Variants in KPNA6 observed in about 807,000 individuals in gnomAD.
KPNA6 encodes karyopherin subunit alpha 6, also known as importin subunit alpha-7.
In KPNA6, 9 loss-of-function variants were observed where a neutral mutation model predicts 72.0. The observed-to-expected ratio is 0.13, with a 90% CI of 0.08 to 0.22. KPNA6 has a LOEUF of 0.22. KPNA6 is among the 10% of genes least tolerant of loss of function. The pLI is 1.00. For missense variants in KPNA6, 374 were observed against 655.7 expected (o/e 0.57, Z 4.69); for synonymous variants, 219 against 242.1 (o/e 0.90, Z 0.89).
intron 1 of KPNA6, among the ~76,000 whole-genome samples, chr1:32,121,542 A>G (rs1226338166): frequency 6.6e-6 from 1 of 152,216 alleles, no homozygotes; most frequent in African/African-American, 2.4e-5. Flanking sequence ...CTATGGAGTG[A>G]TTCATCAACA....
chr1:32,151,728 C>T (rs918630480), intron 1 of KPNA6, among the ~76,000 whole-genome samples: 3 of 152,110 alleles, frequency 2.0e-5, no homozygotes, highest in Admixed American at 6.6e-5. Flanking sequence ...TGCTGTTGCC[C>T]GATGTCTGAA....
chr1:32,151,634 A>G (rs1456673717), intron 1 of KPNA6, among the ~76,000 whole-genome samples: 1 of 152,176 alleles, frequency 6.6e-6, no homozygotes, highest in Non-Finnish European at 1.5e-5. Context: ...CTTCTGCTAT[A>G]GAATGTGCCT....
At position 32,162,393 on chromosome 1, in the gene KPNA6, A is replaced by C. The variant is rs1642255395; in HGVS notation, c.780A>C (p.Leu260=). 1 of 1,611,224 alleles carries C rather than the reference A, an allele frequency of 6.2e-7. No individual in the cohort carries two copies. The highest frequency in any genetic ancestry group is 1.7e-5 in the Admixed American group (1 of 59,654). The change falls in exon 9 of 14, where the codon CTA becomes CTC. Residue 260 remains leucine, a synonymous_variant. Coordinates refer to ENST00000373625, the MANE Select transcript of KPNA6 (RefSeq NM_012316.5). ...VSPCLPVLSR[L]LFSSDSDLLA... ...CTTGTTTGCCTGTACTGTCTCGCCT[A>C]CTCTTCAGCAGCGACTCGGACTTGC...
rs543903488 is a variant in KPNA6, at chr1:32,147,672, T to C, written c.5-6916T>C. 1.1e-4 allele frequency among the ~76,000 whole-genome samples: 16 copies of C among 142,700 alleles called. No homozygotes were observed. In the East Asian group the frequency reaches 3.2e-3, roughly 28 times the overall value. The allele number at this position is 142,700 out of a possible 152,430, so 93.6% of individuals were successfully genotyped here. A position where few individuals can be genotyped will look rare whatever the true frequency, so the allele number is the denominator to read the frequency against. ...TTTCTTTTTTTTTTTTTTTTTTTTT[T>C]TTTTTGAGACAGGGTCTTGCCCTGT... On this transcript the variant is annotated intron_variant, in intron 1 of 13. Transcript: ENST00000373625.
intron 1 of KPNA6, among the ~76,000 whole-genome samples, chr1:32,116,995 C>A (rs1194754156): frequency 6.6e-6 from 1 of 152,004 alleles, no homozygotes; most frequent in Non-Finnish European, 1.5e-5. Context: ...AAAACAGTTG[C>A]AATACTAGCA....
chr1:32,159,771 T>C lies in KPNA6; in HGVS notation c.558+240T>C, dbSNP rs1459364207. Among the ~76,000 whole-genome samples the C allele has an allele frequency of 2.0e-5, 3 of 152,154 alleles. No homozygotes were observed. In the East Asian group the frequency reaches 5.8e-4, roughly 29 times the overall value. Reference sequence around the variant, plus strand: ...GTGTTAGAGTCAGAATTGAATTAAATCGTTGGACACATGGTTGGTATCAGA... The same window carrying C: ...GTGTTAGAGTCAGAATTGAATTAAACCGTTGGACACATGGTTGGTATCAGA... On this transcript the variant is annotated intron_variant, in intron 6 of 13. Coordinates refer to ENST00000373625, the MANE Select transcript of KPNA6 (RefSeq NM_012316.5).
intron 1 of KPNA6, among the ~76,000 whole-genome samples, chr1:32,153,588 A>AAAG (rs148412161): frequency 6.7e-6 from 1 of 148,288 alleles, no homozygotes. Context: ...AAAAAAAAAA[A>AAAG]AAGAAGAAAA....
chr1:32,166,375 C>G (rs989470975), intron 11 of KPNA6, 145 bp downstream of exon 11: 3 of 963,506 alleles, frequency 3.1e-6, no homozygotes, highest in Non-Finnish European at 3.0e-6. Flanking sequence ...GCCTGTAGTC[C>G]CAGCACTTTG....
Position 32,120,971 on chromosome 1 carries a change from C to T in KPNA6, c.4+12837C>T, listed in dbSNP as rs189748494. 2.0e-4 allele frequency among the ~76,000 whole-genome samples: 30 copies of T among 150,488 alleles called. No homozygotes were observed. The South Asian group carries it at 3.2e-3, about 16-fold the overall frequency. On this transcript the variant is annotated intron_variant, in intron 1 of 13. Coordinates refer to ENST00000373625, the MANE Select transcript of KPNA6 (RefSeq NM_012316.5). ...GCAACCTTTATCTCCTGAGTTCAAG[C>T]GTTCAAGCGACTCTCCTGCCTCAGC...
chr1:32,121,283 G>C (rs989897548), intron 1 of KPNA6, among the ~76,000 whole-genome samples: 4 of 152,110 alleles, frequency 2.6e-5, no homozygotes, highest in African/African-American at 9.7e-5. Context: ...ATCAGGACTT[G>C]GTTATTGATT....
intron 1 of KPNA6, among the ~76,000 whole-genome samples, chr1:32,108,462 G>C (rs1239499951): frequency 6.6e-6 from 1 of 152,244 alleles, no homozygotes; most frequent in Non-Finnish European, 1.5e-5. Flanking sequence ...GCTGGGGGAC[G>C]GGCTCCCGGC....
intron 6 of KPNA6, among the ~76,000 whole-genome samples, chr1:32,159,964 G>A (rs1642207515): frequency 6.6e-6 from 1 of 152,184 alleles, no homozygotes; most frequent in Non-Finnish European, 1.5e-5. Flanking sequence ...TTGGAGAGTG[G>A]TAGTGGGCTC....
intron 8 of KPNA6, 34 bp from the exon 9 acceptor site, chr1:32,162,327 C>A (rs768719617): frequency 8.4e-6 from 13 of 1,545,652 alleles, no homozygotes; most frequent in Non-Finnish European, 2.6e-6. Context: ...TAGTCTTGTT[C>A]CCCTGTGAGT....
chr1:32,147,959 C>G lies in KPNA6; in HGVS notation c.5-6629C>G, dbSNP rs7511834. Among the ~76,000 whole-genome samples, 1,445 of 152,248 alleles carry G rather than the reference C, an allele frequency of 9.5e-3. 19 individuals are homozygous for G. Among genetic ancestry groups the G allele is most frequent in the African/African-American group, 0.032 (1,330 of 41,550 alleles). ...AGGATTACAGGCCTGAGCCACTGCTCCCAGCCTGACTTTCATAATTTCGAA... is the reference window on the plus strand; with the variant it reads ...AGGATTACAGGCCTGAGCCACTGCTGCCAGCCTGACTTTCATAATTTCGAA... On this transcript the variant is annotated intron_variant, in intron 1 of 13. Coordinates refer to ENST00000373625, the MANE Select transcript of KPNA6 (RefSeq NM_012316.5).
intron 6 of KPNA6, 115 bp downstream of exon 6, chr1:32,159,646 A>C: frequency 8.3e-7 from 1 of 1,207,894 alleles, no homozygotes; most frequent in Non-Finnish European, 1.2e-6. Flanking sequence ...TTCCTGAGTG[A>C]TAGGGGTGTC....
chr1:32,156,043 C>T (rs1642137056), intron 2 of KPNA6, among the ~76,000 whole-genome samples: 1 of 151,476 alleles, frequency 6.6e-6, no homozygotes, highest in Non-Finnish European at 1.5e-5. Context: ...AGGCATGCGC[C>T]ACTGTGCCTG....
At chr1:32,119,196 A>T (rs954103424) in intron 1 of KPNA6, among the ~76,000 whole-genome samples, 3 of 150,970 alleles carry the variant, frequency 2.0e-5, no homozygotes, top group Non-Finnish European at 3.0e-5. Context: ...ACGCCTGGCT[A>T]ATTTTTGTAT....
rs997797158 is a variant in KPNA6, at chr1:32,175,553, GGC to G, written c.*4661_*4662del. The G allele has an allele frequency of 1.3e-4, 20 of 152,312 alleles. No individual in the cohort carries two copies. Among genetic ancestry groups the G allele is most frequent in the Middle Eastern group, 3.4e-3 (1 of 298 alleles). The allele number at this position is 152,312 out of a possible 1,614,324, so 9.4% of individuals were successfully genotyped here. A position where few individuals can be genotyped will look rare whatever the true frequency, so the allele number is the denominator to read the frequency against. On this transcript the variant is annotated 3_prime_UTR_variant, in exon 14 of 14. Transcript: ENST00000373625. ...TAATCCCAGCACTTTGGGAGGCCGA[GGC>G]GGGTGGATCACGAGGTCAGGAGTTT...
At chr1:32,135,270 T>G (rs1326285217) in intron 1 of KPNA6, among the ~76,000 whole-genome samples, 1 of 152,200 alleles carries the variant, frequency 6.6e-6, no homozygotes, top group African/African-American at 2.4e-5. Flanking sequence ...TTTCTCCGTG[T>G]TGGTCAGCCT....
Sources: allele counts gnomAD v4.1 joint callset (sites outside exome capture counted in the v4.1 genomes callset), GRCh38; gene constraint gnomAD v4.1.1; transcripts MANE v1.5; gene names NCBI Gene and HGNC (gene_info 2026-07-23, HGNC 2026-07-21).